Variants in ADAM18 observed in about 807,000 individuals in gnomAD.
ADAM18 encodes the protein disintegrin and metalloproteinase domain-containing protein 18.
In ADAM18, 117 loss-of-function variants were observed where a neutral mutation model predicts 94.4. The ratio of observed to expected loss-of-function variants is 1.24; its 90% CI spans 1.07 to 1.45. The LOEUF (loss-of-function observed/expected upper bound fraction) is 1.45. ADAM18 is among the 40% of genes most tolerant of loss of function. ADAM18 has a pLI of 0.00. For synonymous variants in ADAM18, 327 were observed against 291.6 expected, an observed-to-expected ratio of 1.12 and a Z score of -1.24; for missense variants, 936 against 880.0, an observed-to-expected ratio of 1.06 and a Z score of -0.81.
chr8:39,651,437 G>A (rs1214005491), intron 12 of ADAM18, among the ~76,000 whole-genome samples: 1 of 152,222 alleles, frequency 6.6e-6, no homozygotes, highest in East Asian at 1.9e-4. Flanking sequence ...ACAATACATG[G>A]CTTTCCTAGG....
At chr8:39,674,170 G>T (rs916123192) in intron 14 of ADAM18, among the ~76,000 whole-genome samples, 8 of 152,072 alleles carry the variant, frequency 5.3e-5, no homozygotes, top group Non-Finnish European at 7.4e-5. Flanking sequence ...TCAGGTCCTG[G>T]ATATTCTTGT....
intron 18 of ADAM18, among the ~76,000 whole-genome samples, chr8:39,717,085 C>G (rs1272834685): frequency 6.6e-6 from 1 of 151,656 alleles, no homozygotes; most frequent in Non-Finnish European, 1.5e-5. Flanking sequence ...GCTTTGATTA[C>G]TCTTTTTGTG....
chr8:39,609,147 G>A, intron 4 of ADAM18, 27 bp downstream of exon 4: 1 of 1,347,004 alleles, frequency 7.4e-7, no homozygotes, highest in Non-Finnish European at 1.0e-6. Flanking sequence ...TATTTTTTTT[G>A]TTAAAGTGGT....
intron 2 of ADAM18, among the ~76,000 whole-genome samples, chr8:39,599,876 G>C (rs1217501802): frequency 6.7e-6 from 1 of 149,998 alleles, no homozygotes; most frequent in Non-Finnish European, 1.5e-5. Flanking sequence ...TAAAAAATTT[G>C]TGTTTTTTTT....
intron 10 of ADAM18, among the ~76,000 whole-genome samples, chr8:39,642,160 T>C (rs1820255383): frequency 1.3e-5 from 2 of 152,310 alleles, no homozygotes; most frequent in Non-Finnish European, 2.9e-5. Context: ...ATGCTAGATA[T>C]TAAACCTTTG....
At chr8:39,610,777 A>T (rs762433477) in intron 6 of ADAM18, 71 bp downstream of exon 6, 54 of 1,519,526 alleles carry the variant, frequency 3.6e-5, no homozygotes, top group Non-Finnish European at 4.7e-5. Context: ...AAATCATGAA[A>T]GGAATTTAGT....
intron 6 of ADAM18, among the ~76,000 whole-genome samples, chr8:39,625,272 ATTATT>A (rs1051607822): frequency 6.6e-6 from 1 of 151,912 alleles, no homozygotes; most frequent in Non-Finnish European, 1.5e-5. Flanking sequence ...TATATTCTTA[ATTATT>A]TTATTTTATT....
chr8:39,662,376 T>C (rs1820865231), intron 12 of ADAM18, among the ~76,000 whole-genome samples: 1 of 152,184 alleles, frequency 6.6e-6, no homozygotes. Context: ...ATATTTTATA[T>C]ATTATTTGAT....
chr8:39,592,030 A>T (rs1299899152), intron 2 of ADAM18, among the ~76,000 whole-genome samples: 1 of 152,198 alleles, frequency 6.6e-6, no homozygotes, highest in Non-Finnish European at 1.5e-5. Flanking sequence ...TCTGAGCAGT[A>T]GGTCTCAACA....
At chr8:39,704,033 A>G (rs994773485) in intron 17 of ADAM18, among the ~76,000 whole-genome samples, 3 of 152,198 alleles carry the variant, frequency 2.0e-5, no homozygotes, top group Non-Finnish European at 2.9e-5. Context: ...ATCATTGAAA[A>G]GACCAATAAC....
chr8:39,699,933 T>C (rs1184265646), intron 17 of ADAM18, among the ~76,000 whole-genome samples: 1 of 152,166 alleles, frequency 6.6e-6, no homozygotes, highest in Admixed American at 6.5e-5. Context: ...CAGAAATTGG[T>C]TGTAGAATGT....
At chr8:39,641,261 A>G (rs528020787) in intron 10 of ADAM18, among the ~76,000 whole-genome samples, 1 of 152,126 alleles carries the variant, frequency 6.6e-6, no homozygotes, top group Admixed American at 6.6e-5. Flanking sequence ...TAAATAGGCA[A>G]TCCTTTCCCC....
At chr8:39,601,553 G>A (rs1818904102) in intron 2 of ADAM18, among the ~76,000 whole-genome samples, 1 of 151,616 alleles carries the variant, frequency 6.6e-6, no homozygotes, top group Non-Finnish European at 1.5e-5. Flanking sequence ...TTTATGATTA[G>A]CATTTGGATG....
At chr8:39,681,451 G>A (rs761553633) in intron 16 of ADAM18, among the ~76,000 whole-genome samples, 8 of 152,158 alleles carry the variant, frequency 5.3e-5, no homozygotes, top group Non-Finnish European at 1.2e-4. Context: ...GATAAGATGT[G>A]CTTGAATTTC....
At chr8:39,666,687 GC>G (rs1243060450) in intron 13 of ADAM18, among the ~76,000 whole-genome samples, 1 of 152,140 alleles carries the variant, frequency 6.6e-6, no homozygotes, top group East Asian at 1.9e-4. Flanking sequence ...CAGGGAAACT[GC>G]TTTTTATAAA....
chr8:39,669,414 G>T (rs1821089385), intron 14 of ADAM18, among the ~76,000 whole-genome samples: 1 of 150,270 alleles, frequency 6.7e-6, no homozygotes, highest in South Asian at 2.1e-4. Context: ...GCTGCACCCA[G>T]TAACTCGTCA....
chr8:39,698,584 C>T (rs1000686248), intron 17 of ADAM18, among the ~76,000 whole-genome samples: 2 of 151,974 alleles, frequency 1.3e-5, no homozygotes, highest in African/African-American at 4.8e-5. Context: ...TTTTCTGCTA[C>T]CTCTCACAGT....
At chr8:39,660,548 C>T (rs1820807585) in intron 12 of ADAM18, among the ~76,000 whole-genome samples, 1 of 151,960 alleles carries the variant, frequency 6.6e-6, no homozygotes, top group Non-Finnish European at 1.5e-5. Context: ...GAATACATAA[C>T]AATTATAAAT....
At chr8:39,695,601 C>T (rs1164218638) in intron 17 of ADAM18, among the ~76,000 whole-genome samples, 1 of 151,210 alleles carries the variant, frequency 6.6e-6, no homozygotes, top group African/African-American at 2.4e-5. Flanking sequence ...TCCCCTTCCC[C>T]TAGCCCCTGG....
Sources: gnomAD v4.1 joint callset for allele counts (sites outside exome capture counted in the v4.1 genomes callset) on GRCh38, gnomAD v4.1.1 for gene constraint, MANE v1.5 for transcripts, NCBI Gene and HGNC (gene_info 2026-07-23, HGNC 2026-07-21) for gene names.